Variants in IPO9 observed in about 807,000 individuals in gnomAD.
IPO9 encodes the protein importin 9, also known as importin-9.
In IPO9, 28 loss-of-function variants were observed where a neutral mutation model predicts 128.6. That is an observed-to-expected ratio of 0.22 (90% CI 0.16 to 0.30). IPO9 has a LOEUF of 0.30. IPO9 is among the 10% of genes least tolerant of loss of function. The probability of loss-of-function intolerance (pLI) is 1.00; values close to 1 mark genes in which losing one functional copy is unlikely to be tolerated. For missense variants in IPO9, 935 were observed against 1,293.9 expected (o/e 0.72, Z 4.26); for synonymous variants, 455 against 475.8 (o/e 0.96, Z 0.57).
intron 3 of IPO9, 79 bp from the exon 4 acceptor site, chr1:201,848,314 A>G (rs1032733730): frequency 1.6e-6 from 2 of 1,245,704 alleles, no homozygotes; most frequent in Non-Finnish European, 1.2e-6. Flanking sequence ...TGTTTTTCCA[A>G]CACAGTTCCC....
At position 201,847,336 on chromosome 1, in the gene IPO9, G is replaced by A. The variant is rs761738400; in HGVS notation, c.221G>A (p.Arg74His). 8.1e-6 allele frequency: 13 copies of A among 1,613,436 alleles called. No homozygotes were observed. Among genetic ancestry groups the A allele is most frequent in the East Asian group, 2.2e-5 (1 of 44,876 alleles). Residue 74 changes from arginine (R) to histidine (H), a missense_variant, in exon 2 of 24, where the codon CGT (arginine) becomes CAT (histidine). By Grantham distance (29) the Arg-to-His change is conservative (BLOSUM62 0). Around this residue, in one of 3 missense-constraint regions of IPO9, gnomAD observed 741 missense variants for 1,019.1 expected, o/e 0.73. Transcript: ENST00000361565. ...GATCCCCAGGGGGCACTGGCAATCC[G>A]TCAGGTAAGTCCAGACTGGCCCAAT... is the stretch of plus-strand genomic sequence containing the variant. ...TVDPQGALAIRQLASVILKQY... is the reference protein window; with the variant it reads ...TVDPQGALAIHQLASVILKQY...
rs777436367 is a variant in IPO9 at position 201,868,668 on chromosome 1, G to T, written c.1876G>T (p.Ala626Ser). 4.3e-6 allele frequency: 7 copies of T among 1,613,590 alleles called. No homozygotes were observed. The African/African-American group carries it at 9.3e-5, about 22-fold the overall frequency. ...TTCAGATCCCGTCGTCGCCTCACTG[G>T]CTCAGGACATCTTCAAGGAGCTGTC... ...YSNDPVVASL[A>S]QDIFKELSQI... The change falls in exon 16 of 24, where the codon GCT becomes TCT. Residue 626 changes from alanine to serine, a missense_variant. Ala to Ser is a moderately conservative substitution (Grantham distance 99). Around this residue, in one of 3 missense-constraint regions of IPO9, gnomAD observed 741 missense variants for 1,019.1 expected, o/e 0.73. Coordinates refer to ENST00000361565, the MANE Select transcript of IPO9 (RefSeq NM_018085.5).
At chr1:201,867,037 C>T in intron 15 of IPO9, 78 bp downstream of exon 15, 4 of 1,210,630 alleles carry the variant, frequency 3.3e-6, no homozygotes, top group Non-Finnish European at 4.9e-6. Flanking sequence ...GAAAGATTCC[C>T]TAGGTCTGGT....
In IPO9 at chr1:201,858,443, A is replaced by G. The variant is rs1330353616; in HGVS notation, c.1222-4A>G. The G allele has an allele frequency of 2.0e-6, 3 of 1,498,712 alleles. No homozygotes were observed. The highest frequency in any genetic ancestry group is 1.2e-5 in the South Asian group (1 of 82,244). 92.8% of individuals were successfully genotyped at this position (1,498,712 alleles called of 1,614,324 possible). On this transcript the variant is annotated splice_polypyrimidine_tract_variant and splice_region_variant and intron_variant, in intron 11 of 23. Transcript: ENST00000361565. ...CAGATTTATTAGCTCTTCTCTCTCTATAGGCTGTGGCCACAGATTTCCAGA... is the reference window on the plus strand; with the variant it reads ...CAGATTTATTAGCTCTTCTCTCTCTGTAGGCTGTGGCCACAGATTTCCAGA...
chr1:201,872,335 T>G (rs1194018115), intron 19 of IPO9, among the ~76,000 whole-genome samples: 1 of 152,126 alleles, frequency 6.6e-6, no homozygotes, highest in Admixed American at 6.5e-5. Flanking sequence ...AACCTTAGCT[T>G]TGTTCAAGAA....
intron 14 of IPO9, among the ~76,000 whole-genome samples, chr1:201,864,005 C>T (rs762330669): frequency 1.3e-5 from 2 of 151,466 alleles, no homozygotes; most frequent in Non-Finnish European, 2.9e-5. Flanking sequence ...GATAATGTGA[C>T]CTAGAAACAC....
At chr1:201,831,033 C>G (rs1003222245) in intron 1 of IPO9, among the ~76,000 whole-genome samples, 1 of 152,100 alleles carries the variant, frequency 6.6e-6, no homozygotes, top group African/African-American at 2.4e-5. Flanking sequence ...GACTGGGTCT[C>G]GCTCTATCGT....
At chr1:201,873,563 C>T (rs1177471725) in intron 20 of IPO9, among the ~76,000 whole-genome samples, 1 of 150,210 alleles carries the variant, frequency 6.7e-6, no homozygotes, top group Non-Finnish European at 1.5e-5. Context: ...GCCTGACCAA[C>T]ATAGAGAAAC....
chr1:201,861,036 C>T (rs1337142771), intron 13 of IPO9, among the ~76,000 whole-genome samples: 9 of 152,046 alleles, frequency 5.9e-5, no homozygotes, highest in South Asian at 4.1e-4. Flanking sequence ...CGTGGTGGCA[C>T]GCGTCTGTAA....
Position 201,829,383 on chromosome 1 carries a change from C to T in IPO9, c.163+11C>T. The T allele has an allele frequency of 6.4e-7, 1 of 1,553,898 alleles. No individual in the cohort carries two copies. Among genetic ancestry groups the T allele is most frequent in the African/African-American group, 1.4e-5 (1 of 72,604 alleles). The stretch of plus-strand genomic sequence containing the variant: ...TGGAGGTGACGGAGGGTGAGTGAGG[C>T]GGGACCGTCACGAGGATGGCTCAGC... On this transcript the variant is annotated intron_variant, in intron 1 of 23. Coordinates refer to ENST00000361565, the MANE Select transcript of IPO9 (RefSeq NM_018085.5).
intron 1 of IPO9, among the ~76,000 whole-genome samples, chr1:201,835,621 C>A (rs1571537176): frequency 1.3e-5 from 2 of 152,230 alleles, no homozygotes; most frequent in Admixed American, 6.5e-5. Flanking sequence ...AAAACAACTT[C>A]ATATAGCCCT....
At position 201,880,159 on chromosome 1, in the gene IPO9, G is replaced by C. The variant is rs1244696069; in HGVS notation, c.*4105G>C. The C allele has an allele frequency of 6.6e-6, 1 of 152,180 alleles. No individual in the cohort carries two copies. Among genetic ancestry groups the C allele is most frequent in the Non-Finnish European group, 1.5e-5 (1 of 68,050 alleles). 9.4% of individuals were successfully genotyped at this position (152,180 alleles called of 1,614,324 possible). ...GCCCAAGAGTTTGAGACCAGTCTGG[G>C]CAATGTGGCAATACCTTGTCTCTTA... On this transcript the variant is annotated 3_prime_UTR_variant, in exon 24 of 24. Transcript: ENST00000361565.
chr1:201,859,208 A>ATATATATATATATATATAT (rs1553290975), intron 13 of IPO9, among the ~76,000 whole-genome samples: 2 of 74,402 alleles, frequency 2.7e-5, no homozygotes, highest in Non-Finnish European at 5.9e-5. Context: ...TATATATATA[A>ATATATATATATATATATAT]AGGAAACTCT....
intron 1 of IPO9, among the ~76,000 whole-genome samples, chr1:201,846,617 C>T (rs969144700): frequency 6.6e-6 from 1 of 152,134 alleles, no homozygotes; most frequent in African/African-American, 2.4e-5. Context: ...TTGTGATCCA[C>T]CTGCCTTGGC....
intron 1 of IPO9, 130 bp downstream of exon 1, chr1:201,829,502 C>T (rs1679788518): frequency 1.1e-6 from 1 of 874,422 alleles, no homozygotes; most frequent in East Asian, 4.1e-5. Context: ...GAGCAGGAAG[C>T]GAGAGATTGA....
At chr1:201,871,837 A>G (rs970227574) in intron 19 of IPO9, among the ~76,000 whole-genome samples, 1 of 152,226 alleles carries the variant, frequency 6.6e-6, no homozygotes, top group Non-Finnish European at 1.5e-5. Flanking sequence ...AAAGACAGTC[A>G]ACACAGGTAG....
rs764638069 is a variant in IPO9 at position 201,848,601 on chromosome 1, G to A, written c.514+7G>A. On this transcript the variant is annotated splice_region_variant and intron_variant, in intron 4 of 23. Transcript: ENST00000361565. ...GCCATGCGTGTGCTGACAGGTACCA[G>A]AAGCCCTTTTCCCTGGTATTGGTAC... The A allele has an allele frequency of 2.5e-6, 4 of 1,613,526 alleles. No individual in the cohort carries two copies. The Admixed American group carries it at 6.7e-5, about 27-fold the overall frequency.
rs1308775230 is a variant in IPO9 at position 201,876,041 on chromosome 1, C to T, written c.3113C>T (p.Thr1038Ile). The part of the protein sequence containing the change: ...LNDNERRVLQ[T>I]IGI ...GACAATGAGAGGCGAGTTCTACAGA[C>T]CATCGGCATCTAAAAAGGGGAGCCT... Residue 1038 changes from threonine to isoleucine, a missense_variant, in exon 24 of 24, where the codon ACC becomes ATC. Physicochemically the swap from Thr to Ile is moderately conservative, Grantham distance 89. Coordinates refer to ENST00000361565, the MANE Select transcript of IPO9 (RefSeq NM_018085.5). 1 of 1,608,598 alleles carries T rather than the reference C, an allele frequency of 6.2e-7. No homozygotes were observed. Among genetic ancestry groups the T allele is most frequent in the Admixed American group, 1.7e-5 (1 of 60,024 alleles).
At chr1:201,863,705 C>T (rs1680495149) in intron 14 of IPO9, 98 bp downstream of exon 14, 15 of 1,116,574 alleles carry the variant, frequency 1.3e-5, no homozygotes, top group Non-Finnish European at 1.5e-5. Context: ...TTGGAAATCC[C>T]TGCTAATGAT....
Sources: allele counts gnomAD v4.1 joint callset (sites outside exome capture counted in the v4.1 genomes callset), GRCh38; gene constraint gnomAD v4.1.1; regional missense constraint gnomAD v4.1.1; transcripts MANE v1.5; gene names NCBI Gene and HGNC (gene_info 2026-07-23, HGNC 2026-07-21).